DLG2: variants seen among roughly 807,000 people sequenced by gnomAD.
The protein encoded by DLG2 is disks large homolog 2.
DLG2 carries 45 observed loss-of-function variants against 132.5 expected under a neutral mutation model. The ratio of observed to expected loss-of-function variants is 0.34; its 90% CI spans 0.27 to 0.44. The LOEUF is 0.44. Ranked by LOEUF, DLG2 falls within the 20% of genes least tolerant of loss-of-function variation. The pLI is 1.00. For synonymous variants in DLG2, 424 were observed against 419.6 expected, an observed-to-expected ratio of 1.01 and a Z score of -0.13; for missense variants, 1,045 against 1,196.9, an observed-to-expected ratio of 0.87 and a Z score of 1.87.
intron 3 of DLG2, among the ~76,000 whole-genome samples, chr11:85,440,463 T>A (rs7116340): frequency 0.75 from 114,445 of 152,132 alleles, 44,363 homozygotes; most frequent in Middle Eastern, 0.89. Context: ...GGAGTAAGGC[T>A]GTCACCTGTC....
chr11:84,846,889 GA>G (rs1238456359), intron 6 of DLG2, among the ~76,000 whole-genome samples: 3 of 152,050 alleles, frequency 2.0e-5, no homozygotes, highest in South Asian at 2.1e-4. Flanking sequence ...ATATATGTGA[GA>G]TTTTTTTATA....
intron 18 of DLG2, among the ~76,000 whole-genome samples, chr11:83,708,389 T>C (rs2084560690): frequency 6.6e-6 from 1 of 152,172 alleles, no homozygotes; most frequent in Admixed American, 6.6e-5. Flanking sequence ...AAATATAATA[T>C]ACGTTGCTAT....
intron 25 of DLG2, among the ~76,000 whole-genome samples, chr11:83,467,822 T>C (rs12099210): frequency 7.1e-5 from 7 of 98,888 alleles, no homozygotes; most frequent in South Asian, 6.9e-4. Context: ...CACACACACA[T>C]ATAAAATATA....
At chr11:85,487,632 T>A (rs1036210455) in intron 3 of DLG2, among the ~76,000 whole-genome samples, 1 of 151,816 alleles carries the variant, frequency 6.6e-6, no homozygotes, top group Non-Finnish European at 1.5e-5. Flanking sequence ...CAGACAAAAA[T>A]TTTTAAAAAA....
At chr11:85,352,247 G>T (rs996744326) in intron 3 of DLG2, among the ~76,000 whole-genome samples, 3 of 152,122 alleles carry the variant, frequency 2.0e-5, no homozygotes, top group Admixed American at 6.6e-5. Flanking sequence ...TGTGGGATTG[G>T]TGGTGATATC....
intron 3 of DLG2, among the ~76,000 whole-genome samples, chr11:85,494,560 A>G (rs1160790001): frequency 6.6e-6 from 1 of 152,132 alleles, no homozygotes; most frequent in African/African-American, 2.4e-5. Context: ...TAAAAGTAAG[A>G]CAGTCTCCTG....
chr11:85,389,116 T>C (rs1412948512), intron 3 of DLG2, among the ~76,000 whole-genome samples: 1 of 151,764 alleles, frequency 6.6e-6, no homozygotes, highest in Non-Finnish European at 1.5e-5. Flanking sequence ...AGATACAGGA[T>C]AGGAATGGAA....
intron 6 of DLG2, among the ~76,000 whole-genome samples, chr11:84,630,254 T>C (rs879621136): frequency 6.6e-6 from 1 of 152,188 alleles, no homozygotes; most frequent in Admixed American, 6.5e-5. Context: ...CAGGAGCCTA[T>C]GTCTGAGTAA....
intron 6 of DLG2, among the ~76,000 whole-genome samples, chr11:84,849,633 C>G (rs1265187055): frequency 6.6e-6 from 1 of 152,084 alleles, no homozygotes; most frequent in Non-Finnish European, 1.5e-5. Flanking sequence ...TTCTTACCCT[C>G]TAGATGTTAG....
intron 3 of DLG2, among the ~76,000 whole-genome samples, chr11:85,522,287 G>C (rs1050630292): frequency 6.6e-6 from 1 of 152,190 alleles, no homozygotes; most frequent in Admixed American, 6.5e-5. Context: ...CAGAAGACAA[G>C]AACTGAGGTT....
chr11:83,991,086 C>CA (rs1040233030), intron 11 of DLG2, among the ~76,000 whole-genome samples: 1 of 151,692 alleles, frequency 6.6e-6, no homozygotes, highest in Non-Finnish European at 1.5e-5. Flanking sequence ...TAACAAATAC[C>CA]AAAAAAAAGT....
intron 10 of DLG2, among the ~76,000 whole-genome samples, chr11:84,097,382 A>C (rs2097179943): frequency 6.6e-6 from 1 of 152,124 alleles, no homozygotes. Flanking sequence ...CTTCAACAAG[A>C]ATCCTGCCAA....
intron 3 of DLG2, among the ~76,000 whole-genome samples, chr11:85,466,387 T>C (rs919209305): frequency 1.3e-5 from 2 of 152,200 alleles, no homozygotes; most frequent in African/African-American, 4.8e-5. Flanking sequence ...TCCTTGCCCA[T>C]GCCTATGTCC....
intron 19 of DLG2, among the ~76,000 whole-genome samples, chr11:83,573,581 A>G (rs888306851): frequency 1.3e-5 from 2 of 152,190 alleles, no homozygotes; most frequent in Non-Finnish European, 2.9e-5. Flanking sequence ...CATTTCTAGG[A>G]ATATAAACTT....
chr11:84,930,379 ATTC>A (rs2047946449), intron 6 of DLG2, among the ~76,000 whole-genome samples: 1 of 152,118 alleles, frequency 6.6e-6, no homozygotes, highest in South Asian at 2.1e-4. Flanking sequence ...ATTGTTAATT[ATTC>A]TTCATGAACT....
chr11:83,684,861 T>A (rs371838017), intron 18 of DLG2, among the ~76,000 whole-genome samples: 1 of 152,260 alleles, frequency 6.6e-6, no homozygotes, highest in East Asian at 1.9e-4. Context: ...ATAACTCTTA[T>A]ATTGTAGCAT....
At chr11:84,846,071 G>A (rs568064896) in intron 6 of DLG2, among the ~76,000 whole-genome samples, 1 of 151,762 alleles carries the variant, frequency 6.6e-6, no homozygotes, top group Admixed American at 6.6e-5. Flanking sequence ...AGTTTTCTAG[G>A]TTCAGTCCTA....
At chr11:84,199,916 A>G (rs1050768393) in intron 8 of DLG2, among the ~76,000 whole-genome samples, 1 of 152,102 alleles carries the variant, frequency 6.6e-6, no homozygotes, top group Non-Finnish European at 1.5e-5. Context: ...AAGTTTGATG[A>G]AAAAAACCAC....
At chr11:85,221,791 C>T (rs1164590035) in intron 4 of DLG2, among the ~76,000 whole-genome samples, 1 of 152,134 alleles carries the variant, frequency 6.6e-6, no homozygotes, top group African/African-American at 2.4e-5. Context: ...GATTCAAGAC[C>T]ATTTGTGCCT....
Sources: allele counts gnomAD v4.1 joint callset (sites outside exome capture counted in the v4.1 genomes callset), GRCh38; gene constraint gnomAD v4.1.1; transcripts MANE v1.5; gene names NCBI Gene and HGNC (gene_info 2026-07-23, HGNC 2026-07-21).